Variants in VCX3B observed in about 807,000 individuals in gnomAD.
VCX3B encodes variable charge X-linked protein 3B.
For missense variants in VCX3B, 43 were observed against 195.3 expected, an observed-to-expected ratio of 0.22 and a Z score of 4.65; for synonymous variants, 15 against 85.8, an observed-to-expected ratio of 0.17 and a Z score of 4.56.
In VCX3B at chrX:8,464,884, G is replaced by A; in HGVS notation, c.-253G>A. The A allele has an allele frequency of 8.0e-6, 1 of 124,250 alleles. No homozygotes were observed. Among genetic ancestry groups the A allele is most frequent in the South Asian group, 2.7e-4 (1 of 3,730 alleles). The allele number at this position is 124,250 out of a possible 1,213,427, so 10.2% of individuals were successfully genotyped here. A position where few individuals can be genotyped will look rare whatever the true frequency, so the allele number is the denominator to read the frequency against. On this transcript the variant is annotated 5_prime_UTR_variant, in exon 1 of 3. Coordinates refer to ENST00000381032, the MANE Select transcript of VCX3B (RefSeq NM_001001888.4). ...GGAAAAGTTGTTTCATGGCATCCAAGAAGTGAATGATCCTCAAGGTGTAGC... is the reference window on the plus strand; with the variant it reads ...GGAAAAGTTGTTTCATGGCATCCAAAAAGTGAATGATCCTCAAGGTGTAGC...
At chrX:8,465,229 C>CCA in intron 1 of VCX3B, 76 bp from the exon 2 acceptor site, 1 of 167,721 alleles carries the variant, frequency 6.0e-6, no homozygotes, top group Non-Finnish European at 9.7e-6. Flanking sequence ...TTAGATGTCA[C>CCA]CCCCCCCCGC....
At position 8,466,356 on chromosome X, in the gene VCX3B, C is replaced by T. The variant is rs371128705; in HGVS notation, c.714C>T (p.Ser238=). ...TGGAAGAACCACTGAGTCAGGAGAGCGAGATGGAAGAACTACCGAGTGTGT... is the reference window on the plus strand; with the variant it reads ...TGGAAGAACCACTGAGTCAGGAGAGTGAGATGGAAGAACTACCGAGTGTGT... ...SEMEEPLSQE[S]EMEELPSV The change falls in exon 3 of 3, where the codon AGC becomes AGT. Residue 238 remains serine, a synonymous_variant. Coordinates refer to ENST00000381032, the MANE Select transcript of VCX3B (RefSeq NM_001001888.4). 9.1e-5 allele frequency: 99 copies of T among 1,086,254 alleles called. No individual in the cohort carries two copies. In the South Asian group the frequency reaches 1.4e-3, roughly 15 times the overall value. 89.5% of individuals were successfully genotyped at this position (1,086,254 alleles called of 1,213,427 possible).
At position 8,464,999 on chromosome X, in the gene VCX3B, T is replaced by C. The variant is rs1329202512; in HGVS notation, c.-147+9T>C. The C allele has an allele frequency of 1.2e-5, 2 of 170,394 alleles. No individual in the cohort carries two copies. The highest frequency in any genetic ancestry group is 1.6e-4 in the Admixed American group (2 of 12,477). 14.0% of individuals were successfully genotyped at this position (170,394 alleles called of 1,213,427 possible). A position where few individuals can be genotyped will look rare whatever the true frequency, so the allele number is the denominator to read the frequency against. The stretch of plus-strand genomic sequence containing the variant: ...GCATGGAGGGATTTTAGGTAGGTCA[T>C]ACAGAAACCGGGTAATGATGGCAGG... On this transcript the variant is annotated intron_variant, in intron 1 of 2. Coordinates refer to ENST00000381032, the MANE Select transcript of VCX3B (RefSeq NM_001001888.4).
chrX:8,466,392 G>C lies in VCX3B; in HGVS notation c.*9G>C, dbSNP rs200295115. 36,869 of 854,046 alleles carry C rather than the reference G, an allele frequency of 0.043. 4,028 individuals are homozygous for C. Among genetic ancestry groups the C allele is most frequent in the East Asian group, 0.36 (5,099 of 14,307 alleles). 70.4% of individuals were successfully genotyped at this position (854,046 alleles called of 1,213,427 possible). ...AACTACCGAGTGTGTAGACGGCCAAGTACTCCCCTATCTCCGAGAGCAGCG... is the reference window on the plus strand; with the variant it reads ...AACTACCGAGTGTGTAGACGGCCAACTACTCCCCTATCTCCGAGAGCAGCG... On this transcript the variant is annotated 3_prime_UTR_variant, in exon 3 of 3. Coordinates refer to ENST00000381032, the MANE Select transcript of VCX3B (RefSeq NM_001001888.4).
intron 1 of VCX3B, 68 bp from the exon 2 acceptor site, chrX:8,465,237 C>G (rs201699352): frequency 2.3e-5 from 6 of 258,859 alleles, no homozygotes; most frequent in East Asian, 7.7e-5. Context: ...CACCCCCCCC[C>G]GCCCCCGACT....
Position 8,466,481 on chromosome X carries a change from T to C in VCX3B, c.*98T>C. On this transcript the variant is annotated 3_prime_UTR_variant, in exon 3 of 3. Coordinates refer to ENST00000381032, the MANE Select transcript of VCX3B (RefSeq NM_001001888.4). ...ACCAGCGGGGTGCTTGCCATTCTGA[T>C]GATAATAAAATGAATGTGTTGCAAA... 2 of 788,964 alleles carry C rather than the reference T, an allele frequency of 2.5e-6. No individual in the cohort carries two copies. The highest frequency in any genetic ancestry group is 3.1e-6 in the Non-Finnish European group (2 of 640,800). The allele number at this position is 788,964 out of a possible 1,213,427, so 65.0% of individuals were successfully genotyped here. A position where few individuals can be genotyped will look rare whatever the true frequency, so the allele number is the denominator to read the frequency against.
rs376667857 is a variant in VCX3B at position 8,466,428 on chromosome X, G to C, written c.*45G>C. The C allele has an allele frequency of 4.3e-4, 438 of 1,019,391 alleles. 25 individuals carry two copies. Among genetic ancestry groups the C allele is most frequent in the Non-Finnish European group, 5.1e-4 (405 of 787,281 alleles). The allele number at this position is 1,019,391 out of a possible 1,213,427, so 84.0% of individuals were successfully genotyped here. A position where few individuals can be genotyped will look rare whatever the true frequency, so the allele number is the denominator to read the frequency against. On this transcript the variant is annotated 3_prime_UTR_variant, in exon 3 of 3. Coordinates refer to ENST00000381032, the MANE Select transcript of VCX3B (RefSeq NM_001001888.4). ...TCTCCGAGAGCAGCGACTAAGTTCA[G>C]GCCCAGCCGCCAGACCTCAGAGATC...
At position 8,466,355 on chromosome X, in the gene VCX3B, G is replaced by C. The variant is rs767826970; in HGVS notation, c.713G>C (p.Ser238Thr). The change falls in exon 3 of 3, where the codon AGC becomes ACC. Residue 238 changes from serine (S) to threonine (T), a missense_variant. Ser to Thr is a moderately conservative substitution (Grantham distance 58). Transcript: ENST00000381032. ...ATGGAAGAACCACTGAGTCAGGAGAGCGAGATGGAAGAACTACCGAGTGTG... is the reference window on the plus strand; with the variant it reads ...ATGGAAGAACCACTGAGTCAGGAGACCGAGATGGAAGAACTACCGAGTGTG... Reference protein sequence around the residue: ...SEMEEPLSQESEMEELPSV With the variant: ...SEMEEPLSQETEMEELPSV 1.1e-5 allele frequency: 12 copies of C among 1,091,433 alleles called. 1 individual carries two copies. In the East Asian group the frequency reaches 4.1e-4, roughly 38 times the overall value. 89.9% of individuals were successfully genotyped at this position (1,091,433 alleles called of 1,213,427 possible). A position where few individuals can be genotyped will look rare whatever the true frequency, so the allele number is the denominator to read the frequency against.
chrX:8,466,436 C>T lies in VCX3B; in HGVS notation c.*53C>T, dbSNP rs1330040604. Reference sequence around the variant, plus strand: ...AGCAGCGACTAAGTTCAGGCCCAGCCGCCAGACCTCAGAGATCTCACCAGC... The same window carrying T: ...AGCAGCGACTAAGTTCAGGCCCAGCTGCCAGACCTCAGAGATCTCACCAGC... On this transcript the variant is annotated 3_prime_UTR_variant, in exon 3 of 3. Transcript: ENST00000381032. The T allele has an allele frequency of 3.0e-5, 30 of 993,919 alleles. 1 individual carries two copies. The highest frequency in any genetic ancestry group is 3.5e-5 in the Non-Finnish European group (27 of 769,097). 81.9% of individuals were successfully genotyped at this position (993,919 alleles called of 1,213,427 possible).
In VCX3B at chrX:8,466,445, T is replaced by C. The variant is rs1364782956; in HGVS notation, c.*62T>C. 13 of 963,550 alleles carry C rather than the reference T, an allele frequency of 1.3e-5. No homozygotes were observed. The highest frequency in any genetic ancestry group is 1.7e-5 in the Non-Finnish European group (13 of 749,456). The allele number at this position is 963,550 out of a possible 1,213,427, so 79.4% of individuals were successfully genotyped here. Reference sequence around the variant, plus strand: ...TAAGTTCAGGCCCAGCCGCCAGACCTCAGAGATCTCACCAGCGGGGTGCTT... The same window carrying C: ...TAAGTTCAGGCCCAGCCGCCAGACCCCAGAGATCTCACCAGCGGGGTGCTT... On this transcript the variant is annotated 3_prime_UTR_variant, in exon 3 of 3. Transcript: ENST00000381032.
At position 8,465,315 on chromosome X, in the gene VCX3B, G is replaced by A; in HGVS notation, c.-136G>A. 1.5e-6 allele frequency: 1 copy of A among 688,499 alleles called. No individual in the cohort carries two copies. The highest frequency in any genetic ancestry group is 2.2e-6 in the Non-Finnish European group (1 of 461,169). 56.7% of individuals were successfully genotyped at this position (688,499 alleles called of 1,213,427 possible). The stretch of plus-strand genomic sequence containing the variant: ...TTCCTTCCCGCCCAGGGCTACCATT[G>A]GCTGGGTAGTGGAGTGTTGACCAAT... On this transcript the variant is annotated 5_prime_UTR_variant, in exon 2 of 3. Transcript: ENST00000381032.
At chrX:8,465,235 C>CG (rs1289831919) in intron 1 of VCX3B, 70 bp from the exon 2 acceptor site, 1 of 256,525 alleles carries the variant, frequency 3.9e-6, no homozygotes. Context: ...GTCACCCCCC[C>CG]CCGCCCCCGA....
At position 8,466,408 on chromosome X, in the gene VCX3B, G is replaced by A. The variant is rs199505051; in HGVS notation, c.*25G>A. 1.5e-3 allele frequency: 1,536 copies of A among 1,057,208 alleles called. 62 individuals carry two copies. The highest frequency in any genetic ancestry group is 1.7e-3 in the Non-Finnish European group (1,416 of 815,156). The allele number at this position is 1,057,208 out of a possible 1,213,427, so 87.1% of individuals were successfully genotyped here. ...GACGGCCAAGTACTCCCCTATCTCC[G>A]AGAGCAGCGACTAAGTTCAGGCCCA... On this transcript the variant is annotated 3_prime_UTR_variant, in exon 3 of 3. Coordinates refer to ENST00000381032, the MANE Select transcript of VCX3B (RefSeq NM_001001888.4).
Position 8,465,430 on chromosome X carries a change from C to CG in VCX3B, c.-20dup, listed in dbSNP as rs1569239715. On this transcript the variant is annotated 5_prime_UTR_variant, in exon 2 of 3. Transcript: ENST00000381032. ...GCAGCCTGGAGTTAGTCGACCGTTG[C>CG]GAGACGTTGAGCTGCGGAAGATGAG... 1 of 1,125,995 alleles carries CG rather than the reference C, an allele frequency of 8.9e-7. No homozygotes were observed. Among genetic ancestry groups the CG allele is most frequent in the Admixed American group, 2.3e-5 (1 of 43,149 alleles). The allele number at this position is 1,125,995 out of a possible 1,213,427, so 92.8% of individuals were successfully genotyped here. A position where few individuals can be genotyped will look rare whatever the true frequency, so the allele number is the denominator to read the frequency against.
In VCX3B at chrX:8,465,284, A is replaced by C. The variant is rs1258877865; in HGVS notation, c.-146-21A>C. On this transcript the variant is annotated intron_variant, in intron 1 of 2. Transcript: ENST00000381032. ...GTCCTGATGGTGCTTTGTGACGTAT[A>C]AGGCCTTCCTTCCCGCCCAGGGCTA... 7.1e-6 allele frequency: 3 copies of C among 422,344 alleles called. No individual in the cohort carries two copies. The East Asian group carries it at 1.5e-4, about 22-fold the overall frequency. 34.8% of individuals were successfully genotyped at this position (422,344 alleles called of 1,213,427 possible). A position where few individuals can be genotyped will look rare whatever the true frequency, so the allele number is the denominator to read the frequency against.
At position 8,466,386 on chromosome X, in the gene VCX3B, G is replaced by T. The variant is rs367861817; in HGVS notation, c.*3G>T. On this transcript the variant is annotated 3_prime_UTR_variant, in exon 3 of 3. Coordinates refer to ENST00000381032, the MANE Select transcript of VCX3B (RefSeq NM_001001888.4). ...TGGAAGAACTACCGAGTGTGTAGACGGCCAAGTACTCCCCTATCTCCGAGA... is the reference window on the plus strand; with the variant it reads ...TGGAAGAACTACCGAGTGTGTAGACTGCCAAGTACTCCCCTATCTCCGAGA... 1 of 1,080,167 alleles carries T rather than the reference G, an allele frequency of 9.3e-7. No homozygotes were observed. Among genetic ancestry groups the T allele is most frequent in the Non-Finnish European group, 1.2e-6 (1 of 829,121 alleles). 89.0% of individuals were successfully genotyped at this position (1,080,167 alleles called of 1,213,427 possible). A position where few individuals can be genotyped will look rare whatever the true frequency, so the allele number is the denominator to read the frequency against.
Position 8,466,362 on chromosome X carries a change from G to A in VCX3B, c.720G>A (p.Met240Ile). 1 of 1,097,979 alleles carries A rather than the reference G, an allele frequency of 9.1e-7. No homozygotes were observed. Among genetic ancestry groups the A allele is most frequent in the Non-Finnish European group, 1.2e-6 (1 of 836,142 alleles). 90.5% of individuals were successfully genotyped at this position (1,097,979 alleles called of 1,213,427 possible). Reference protein sequence around the residue: ...MEEPLSQESEMEELPSV With the variant: ...MEEPLSQESEIEELPSV ...AACCACTGAGTCAGGAGAGCGAGAT[G>A]GAAGAACTACCGAGTGTGTAGACGG... The change falls in exon 3 of 3, where the codon ATG becomes ATA. Residue 240 changes from methionine to isoleucine, a missense_variant. Transcript: ENST00000381032.
rs6640132 is a variant in VCX3B at position 8,466,120 on chromosome X, G to A, written c.478G>A (p.Val160Met). 7 of 824,053 alleles carry A rather than the reference G, an allele frequency of 8.5e-6. 1 individual carries two copies. The highest frequency in any genetic ancestry group is 8.1e-5 in the African/African-American group (1 of 12,280). The allele number at this position is 824,053 out of a possible 1,213,427, so 67.9% of individuals were successfully genotyped here. Residue 160 changes from valine to methionine, a missense_variant, in exon 3 of 3, where the codon GTG becomes ATG. By Grantham distance (21) the Val-to-Met change is conservative (BLOSUM62 1). Coordinates refer to ENST00000381032, the MANE Select transcript of VCX3B (RefSeq NM_001001888.4). ...GGAACCACTGAGTCAGGAGAGCGAG[G>A]TGGAGGAACCACTGAGTCAGGAGAG... The part of the protein sequence containing the change: ...VEEPLSQESE[V>M]EEPLSQESEV...
rs764399997 is a variant in VCX3B, at chrX:8,465,015, T to C, written c.-147+25T>C. 5.7e-3 allele frequency: 987 copies of C among 172,073 alleles called. 46 individuals are homozygous for C. Among genetic ancestry groups the C allele is most frequent in the African/African-American group, 0.047 (839 of 17,908 alleles). The allele number at this position is 172,073 out of a possible 1,213,427, so 14.2% of individuals were successfully genotyped here. A position where few individuals can be genotyped will look rare whatever the true frequency, so the allele number is the denominator to read the frequency against. ...GGTAGGTCATACAGAAACCGGGTAATGATGGCAGGTGTGGAGGAACAGAAT... is the reference window on the plus strand; with the variant it reads ...GGTAGGTCATACAGAAACCGGGTAACGATGGCAGGTGTGGAGGAACAGAAT... On this transcript the variant is annotated intron_variant, in intron 1 of 2. Transcript: ENST00000381032.
Sources: gnomAD v4.1 joint callset for allele counts on GRCh38, gnomAD v4.1.1 for gene constraint, MANE v1.5 for transcripts, NCBI Gene and HGNC (gene_info 2026-07-23, HGNC 2026-07-21) for gene names.